The following MTM1 variants were observed in gnomAD, a reference collection of about 807,000 sequenced individuals.
MTM1 encodes the protein myotubularin.
In MTM1, 9 loss-of-function variants were observed where a neutral mutation model predicts 52.1. That is an observed-to-expected ratio of 0.17 (90% CI 0.10 to 0.30). The LOEUF (loss-of-function observed/expected upper bound fraction) is 0.30, where lower values mean the gene tolerates loss of function less well. Ranked by LOEUF, MTM1 falls within the 10% of genes least tolerant of loss-of-function variation. The probability of loss-of-function intolerance (pLI) is 1.00; values close to 1 mark genes in which losing one functional copy is unlikely to be tolerated. For missense variants in MTM1, 277 were observed against 470.7 expected, an observed-to-expected ratio of 0.59 and a Z score of 3.81; for synonymous variants, 136 against 163.8, an observed-to-expected ratio of 0.83 and a Z score of 1.29.
intron 13 of MTM1, among the ~76,000 whole-genome samples, chrX:150,661,382 G>T (rs1356591682): frequency 9.0e-6 from 1 of 111,455 alleles, no homozygotes; most frequent in Non-Finnish European, 1.9e-5. Flanking sequence ...TATGACAGAG[G>T]TTCCCCCAAA....
chrX:150,645,085 G>A (rs1557413938), intron 8 of MTM1, among the ~76,000 whole-genome samples: 1 of 111,969 alleles, frequency 8.9e-6, no homozygotes, highest in Admixed American at 9.5e-5. Context: ...TAAAGTTAGA[G>A]AAGATAGGTT....
chrX:150,584,688 A>G (rs370614515), intron 1 of MTM1, among the ~76,000 whole-genome samples: 41 of 111,119 alleles, frequency 3.7e-4, no homozygotes, highest in African/African-American at 1.2e-3. Flanking sequence ...ATGAAATACA[A>G]TCGTCCCTTG....
At chrX:150,652,592 TATATATA>T (rs2040038663) in intron 10 of MTM1, among the ~76,000 whole-genome samples, 1 of 96,652 alleles carries the variant, frequency 1.0e-5, no homozygotes, top group Non-Finnish European at 2.1e-5. Flanking sequence ...CAAGAAAAGT[TATATATA>T]TATACATATA....
intron 5 of MTM1, among the ~76,000 whole-genome samples, chrX:150,617,266 G>A (rs782629232): frequency 5.3e-5 from 6 of 112,205 alleles, no homozygotes; most frequent in Non-Finnish European, 9.4e-5. Flanking sequence ...TGAAGAGAAC[G>A]ATGTTACAGA....
chrX:150,614,739 C>A, intron 5 of MTM1, 40 bp downstream of exon 5: 2 of 734,134 alleles, frequency 2.7e-6, no homozygotes, highest in Non-Finnish European at 4.3e-6. Flanking sequence ...GAACAAGGCA[C>A]GTTAGTGTTG....
At chrX:150,636,921 C>G (rs1416184792) in intron 6 of MTM1, among the ~76,000 whole-genome samples, 1 of 112,658 alleles carries the variant, frequency 8.9e-6, no homozygotes, top group Non-Finnish European at 1.9e-5. Context: ...CAAAGTCCCT[C>G]TGTCTTTAAT....
intron 4 of MTM1, among the ~76,000 whole-genome samples, chrX:150,609,163 T>C (rs1253763634): frequency 9.0e-6 from 1 of 111,088 alleles, no homozygotes; most frequent in Non-Finnish European, 1.9e-5. Flanking sequence ...ATGAGAAGCT[T>C]TTGAAGCTTT....
chrX:150,649,946 TA>T, intron 10 of MTM1, 45 bp downstream of exon 10: 1 of 1,117,038 alleles, frequency 9.0e-7, no homozygotes, highest in Non-Finnish European at 1.2e-6. Flanking sequence ...AAAAAGAATG[TA>T]ATTGTTTAGT....
chrX:150,644,885 G>A (rs1449765904), intron 8 of MTM1, among the ~76,000 whole-genome samples: 1 of 111,796 alleles, frequency 8.9e-6, no homozygotes, highest in Non-Finnish European at 1.9e-5. Context: ...CGCCCACTGT[G>A]CTGCAGTTCT....
At chrX:150,667,629 G>A (rs1194075440) in intron 14 of MTM1, among the ~76,000 whole-genome samples, 4 of 112,020 alleles carry the variant, frequency 3.6e-5, no homozygotes, top group Non-Finnish European at 5.6e-5. Context: ...CTTACTGGGT[G>A]TTAGGCATTC....
intron 12 of MTM1, 101 bp from the exon 13 acceptor site, chrX:150,660,270 C>T (rs1372339079): frequency 5.6e-6 from 3 of 540,121 alleles, no homozygotes; most frequent in Non-Finnish European, 9.6e-6. Flanking sequence ...TCCTAGAGCC[C>T]TACAATGTGG....
intron 14 of MTM1, among the ~76,000 whole-genome samples, chrX:150,664,713 C>A (rs1402598646): frequency 8.9e-6 from 1 of 112,640 alleles, no homozygotes; most frequent in African/African-American, 3.2e-5. Context: ...AAATAATAAT[C>A]CTTACAGAAT....
At chrX:150,671,005 G>A (rs782435018) in intron 14 of MTM1, among the ~76,000 whole-genome samples, 39 of 111,932 alleles carry the variant, frequency 3.5e-4, no homozygotes, top group Non-Finnish European at 2.8e-4. Flanking sequence ...AAGTAATACT[G>A]TATTTTGTTG....
chrX:150,603,093 G>A (rs188830764), intron 4 of MTM1, among the ~76,000 whole-genome samples: 160 of 112,186 alleles, frequency 1.4e-3, no homozygotes, highest in African/African-American at 5.0e-3. Flanking sequence ...TTGAAGAATG[G>A]TAACAATTTT....
At chrX:150,652,664 C>T (rs1008269267) in intron 10 of MTM1, among the ~76,000 whole-genome samples, 16 of 43,912 alleles carry the variant, frequency 3.6e-4, no homozygotes, top group South Asian at 2.6e-3. Flanking sequence ...TATATACACA[C>T]ACACACACAC....
chrX:150,657,652 C>T (rs1290448255), intron 10 of MTM1, among the ~76,000 whole-genome samples, 169 bp from the exon 11 acceptor site: 3 of 111,748 alleles, frequency 2.7e-5, no homozygotes, highest in African/African-American at 9.8e-5. Context: ...ACAAATGCAG[C>T]GTCTGTAGAG....
Position 150,592,589 on chromosome X carries a change from T to C in MTM1, c.-10-16T>C, listed in dbSNP as rs781862497. ...ATACAAATTCAGTTGATATTGAATG[T>C]TGTGTTTCTTGGTAGAGTTTCCAGG... On this transcript the variant is annotated splice_polypyrimidine_tract_variant and intron_variant, in intron 1 of 14. Coordinates refer to ENST00000370396, the MANE Select transcript of MTM1 (RefSeq NM_000252.3). 7.0e-6 allele frequency: 8 copies of C among 1,147,053 alleles called. No individual in the cohort carries two copies. Among genetic ancestry groups the C allele is most frequent in the Non-Finnish European group, 2.4e-6 (2 of 838,612 alleles). The allele number at this position is 1,147,053 out of a possible 1,213,427, so 94.5% of individuals were successfully genotyped here.
At chrX:150,660,633 T>C (rs1010936115) in intron 13 of MTM1, 149 bp downstream of exon 13, 4 of 465,921 alleles carry the variant, frequency 8.6e-6, no homozygotes, top group Non-Finnish European at 1.1e-5. Context: ...TTTTGTGTTA[T>C]ATAAAGGAAT....
chrX:150,603,226 C>T (rs949857476), intron 4 of MTM1, among the ~76,000 whole-genome samples: 4 of 111,702 alleles, frequency 3.6e-5, no homozygotes, highest in African/African-American at 1.3e-4. Context: ...GTTGAATGAT[C>T]GGTTGGAGCT....
Sources: gnomAD v4.1 joint callset for allele counts (sites outside exome capture counted in the v4.1 genomes callset) on GRCh38, gnomAD v4.1.1 for gene constraint, MANE v1.5 for transcripts, NCBI Gene and HGNC (gene_info 2026-07-23, HGNC 2026-07-21) for gene names.